The following PPIE variants were observed in gnomAD, a reference collection of about 807,000 sequenced individuals.
PPIE encodes peptidyl-prolyl cis-trans isomerase E.
Under a neutral mutation model 38.4 loss-of-function variants are expected in PPIE, and 20 were observed. The observed-to-expected ratio is 0.52, with a 90% CI of 0.37 to 0.76. PPIE has a LOEUF of 0.76. PPIE is among the 30% of genes least tolerant of loss of function. The probability of loss-of-function intolerance (pLI) is 0.00; values close to 1 mark genes in which losing one functional copy is unlikely to be tolerated. For missense variants in PPIE, 322 were observed against 385.8 expected, an observed-to-expected ratio of 0.83 and a Z score of 1.39; for synonymous variants, 142 against 135.7, an observed-to-expected ratio of 1.05 and a Z score of -0.32.
rs914100634 is a variant in PPIE, at chr1:39,762,774, G to C, written c.838-915G>C. On this transcript the variant is annotated intron_variant, in intron 9 of 9. Coordinates refer to the PPIE transcript ENST00000356511. ...CAGCCCCCACACAGTGTACACATCT[G>C]TTTCATGTGCTGTGCCTCTGAGCGC... 4 of 1,334,604 alleles carry C rather than the reference G, an allele frequency of 3.0e-6. No homozygotes were observed. The Admixed American group carries it at 1.1e-4, about 38-fold the overall frequency. The allele number at this position is 1,334,604 out of a possible 1,614,324, so 82.7% of individuals were successfully genotyped here.
At chr1:39,749,553 G>A (rs965319595) in intron 8 of PPIE, among the ~76,000 whole-genome samples, 8 of 152,144 alleles carry the variant, frequency 5.3e-5, no homozygotes, top group Non-Finnish European at 1.2e-4. Context: ...CGGAGATGAT[G>A]TGTCCATGCC....
intron 2 of PPIE, among the ~76,000 whole-genome samples, chr1:39,740,666 G>A (rs1275739965): frequency 1.3e-5 from 2 of 152,192 alleles, no homozygotes; most frequent in Non-Finnish European, 2.9e-5. Flanking sequence ...TGAGGGCGGG[G>A]GTTCTTGGCC....
At chr1:39,740,906 G>A (rs1647041435) in intron 2 of PPIE, among the ~76,000 whole-genome samples, 2 of 152,178 alleles carry the variant, frequency 1.3e-5, no homozygotes. Context: ...TGAGTTCTAT[G>A]ATAAACATTA....
chr1:39,742,609 A>T (rs563646418), intron 4 of PPIE: 1 of 149,686 alleles, frequency 6.7e-6, no homozygotes, highest in Non-Finnish European at 1.5e-5. Context: ...TACCTGTTAC[A>T]TTTCTTTCTA....
At chr1:39,757,828 A>G (rs748891037), downstream of PPIE, 10 of 152,256 alleles carry the variant, frequency 6.6e-5, no homozygotes, top group East Asian at 1.9e-4. Flanking sequence ...TTCATTCACA[A>G]TTGTTTCATT....
intron 8 of PPIE, 26 bp downstream of exon 8, chr1:39,749,114 C>T (rs779192661): frequency 2.3e-5 from 36 of 1,556,158 alleles, no homozygotes; most frequent in Admixed American, 2.1e-4. Context: ...CATGTGGTGA[C>T]GAGGGAGGCT....
chr1:39,756,580 A>G lies in PPIE; in HGVS notation c.*3225A>G, dbSNP rs1648296334. ...CTCTGAAGAAGGAATTATAGAACCA[A>G]CTTTTTATTGTTGAAAATGGAGTCT... On this transcript the variant is annotated 3_prime_UTR_variant, in exon 10 of 10. Transcript: ENST00000324379. The G allele has an allele frequency of 1.0e-6, 1 of 985,242 alleles. No homozygotes were observed. The highest frequency in any genetic ancestry group is 6.2e-5 in the Admixed American group (1 of 16,258). The allele number at this position is 985,242 out of a possible 1,614,324, so 61.0% of individuals were successfully genotyped here. A position where few individuals can be genotyped will look rare whatever the true frequency, so the allele number is the denominator to read the frequency against.
chr1:39,755,355 C>T lies in PPIE; in HGVS notation c.*2000C>T, dbSNP rs1224212455. On this transcript the variant is annotated 3_prime_UTR_variant, in exon 10 of 10. Coordinates refer to ENST00000324379, the MANE Select transcript of PPIE (RefSeq NM_006112.4). ...TGAGGGATGGTGGCATTCTGCCCTA[C>T]CTCTGGCTCCCATGTGCCGACTGGA... 1.0e-6 allele frequency: 1 copy of T among 985,344 alleles called. No individual in the cohort carries two copies. Among genetic ancestry groups the T allele is most frequent in the Non-Finnish European group, 1.2e-6 (1 of 829,942 alleles). 61.0% of individuals were successfully genotyped at this position (985,344 alleles called of 1,614,324 possible). A position where few individuals can be genotyped will look rare whatever the true frequency, so the allele number is the denominator to read the frequency against.
At chr1:39,750,248 G>A (rs958941382) in intron 8 of PPIE, among the ~76,000 whole-genome samples, 1 of 152,110 alleles carries the variant, frequency 6.6e-6, no homozygotes, top group Non-Finnish European at 1.5e-5. Flanking sequence ...TTGAAAACAT[G>A]GTACAGACTT....
chr1:39,755,906 G>A lies in PPIE; in HGVS notation c.*2551G>A. The stretch of plus-strand genomic sequence containing the variant: ...TGGCAGAGCTGGGATTAGAAGCCCA[G>A]CCTGTCTCTCTTCAGTAGTAATGGA... On this transcript the variant is annotated 3_prime_UTR_variant, in exon 10 of 10. Transcript: ENST00000324379. The A allele has an allele frequency of 1.0e-6, 1 of 985,456 alleles. No homozygotes were observed. The highest frequency in any genetic ancestry group is 1.2e-6 in the Non-Finnish European group (1 of 829,926). The allele number at this position is 985,456 out of a possible 1,614,324, so 61.0% of individuals were successfully genotyped here.
intron 7 of PPIE, 82 bp downstream of exon 7, chr1:39,745,580 C>T: frequency 1.3e-6 from 2 of 1,595,432 alleles, no homozygotes; most frequent in Non-Finnish European, 1.7e-6. Flanking sequence ...TGCTTCACTT[C>T]TTGTGTCCTT....
intron 4 of PPIE, 176 bp from the exon 5 acceptor site, chr1:39,743,040 G>C: frequency 1.8e-6 from 1 of 569,052 alleles, no homozygotes; most frequent in Non-Finnish European, 3.1e-6. Flanking sequence ...TGAAAGAAAG[G>C]GGTGTGAGTT....
intron 4 of PPIE, chr1:39,742,490 CTTTTTTTTTTT>C (rs5773671): frequency 1.3e-4 from 14 of 107,296 alleles, no homozygotes; most frequent in Admixed American, 9.5e-4. Context: ...TTCTTTCTTT[CTTTTTTTTTTT>C]TTTTTTTTTT....
In PPIE at chr1:39,756,571, A is replaced by G. The variant is rs935306882; in HGVS notation, c.*3216A>G. 6 of 985,336 alleles carry G rather than the reference A, an allele frequency of 6.1e-6. No individual in the cohort carries two copies. The highest frequency in any genetic ancestry group is 6.1e-5 in the Admixed American group (1 of 16,264). 61.0% of individuals were successfully genotyped at this position (985,336 alleles called of 1,614,324 possible). ...CACGGCAACCTCTGAAGAAGGAATT[A>G]TAGAACCAACTTTTTATTGTTGAAA... On this transcript the variant is annotated 3_prime_UTR_variant, in exon 10 of 10. Transcript: ENST00000324379.
chr1:39,762,456 A>C, intron 9 of PPIE: 1 of 1,493,658 alleles, frequency 6.7e-7, no homozygotes. Flanking sequence ...ACAAACACAC[A>C]GAGCACTCAA....
chr1:39,755,184 G>A lies in PPIE; in HGVS notation c.*1829G>A, dbSNP rs1569721102. 3.0e-6 allele frequency: 3 copies of A among 985,348 alleles called. No homozygotes were observed. Among genetic ancestry groups the A allele is most frequent in the African/African-American group, 1.7e-5 (1 of 57,240 alleles). 61.0% of individuals were successfully genotyped at this position (985,348 alleles called of 1,614,324 possible). ...AGGCTTTTAGCAGGGACTGAGTCCT[G>A]TAGCTGTTGGACACCTCCTGTGGGT... On this transcript the variant is annotated 3_prime_UTR_variant, in exon 10 of 10. Transcript: ENST00000324379.
chr1:39,741,101 G>A (rs146092971), intron 2 of PPIE, among the ~76,000 whole-genome samples: 12 of 152,246 alleles, frequency 7.9e-5, no homozygotes, highest in African/African-American at 2.9e-4. Context: ...AAGGTTTTAA[G>A]TTTGGCTTTC....
intron 7 of PPIE, chr1:39,746,052 G>C (rs1647195759): frequency 6.6e-6 from 1 of 151,970 alleles, no homozygotes; most frequent in South Asian, 2.1e-4. Context: ...TCAACTCTTA[G>C]GTGTTTTGGT....
chr1:39,762,564 CAA>C (rs1649138068), intron 9 of PPIE: 2 of 1,550,234 alleles, frequency 1.3e-6, no homozygotes, highest in Non-Finnish European at 8.7e-7. Flanking sequence ...CCAGAAAAAA[CAA>C]AGATGGCCAA....
Sources: gnomAD v4.1 joint callset for allele counts (sites outside exome capture counted in the v4.1 genomes callset) on GRCh38, gnomAD v4.1.1 for gene constraint, MANE v1.5 for transcripts, NCBI Gene and HGNC (gene_info 2026-07-23, HGNC 2026-07-21) for gene names.